Variants in FBXL17 observed in about 807,000 individuals in gnomAD.
The protein encoded by FBXL17 is F-box and leucine rich repeat protein 17.
A neutral mutation model predicts 66.2 loss-of-function variants in FBXL17; 22 were observed. The observed-to-expected ratio is 0.33, with a 90% confidence interval of 0.24 to 0.47. FBXL17 has a LOEUF of 0.47. FBXL17 is among the 20% of genes least tolerant of loss of function. The pLI, the probability that FBXL17 is intolerant of heterozygous loss-of-function variation, is 1.00. For synonymous variants in FBXL17, 474 were observed against 400.5 expected, an observed-to-expected ratio of 1.18 and a Z score of -2.19; for missense variants, 878 against 948.2, an observed-to-expected ratio of 0.93 and a Z score of 0.97.
At chr5:108,172,413 C>T (rs1256015090) in intron 6 of FBXL17, among the ~76,000 whole-genome samples, 4 of 152,156 alleles carry the variant, frequency 2.6e-5, no homozygotes, top group African/African-American at 9.7e-5. Context: ...GATGGGAGGA[C>T]AGGCAACGTC....
intron 7 of FBXL17, among the ~76,000 whole-genome samples, chr5:107,972,178 T>C (rs537415184): frequency 1.2e-4 from 18 of 152,284 alleles, no homozygotes; most frequent in Admixed American, 9.8e-4. Flanking sequence ...AGATACTTGC[T>C]GAATAAATGA....
chr5:107,881,898 G>A (rs1296866698), intron 7 of FBXL17, among the ~76,000 whole-genome samples: 1 of 152,120 alleles, frequency 6.6e-6, no homozygotes, highest in African/African-American at 2.4e-5. Flanking sequence ...GTTTAGCATT[G>A]TACCACCACT....
Position 108,381,937 on chromosome 5 carries a change from T to C in FBXL17, c.-246A>G, listed in dbSNP as rs1580943102. On this transcript the variant is annotated 5_prime_UTR_variant, in exon 1 of 9. Transcript: ENST00000542267. ...GCCGGGAGAACGATGGGCGCGAGCT[T>C]TGGGGACGCGAGGGAGGGAGCGAGC... 1 of 1,247,178 alleles carries C rather than the reference T, an allele frequency of 8.0e-7. No homozygotes were observed. Among genetic ancestry groups the C allele is most frequent in the Non-Finnish European group, 1.0e-6 (1 of 994,644 alleles). 77.3% of individuals were successfully genotyped at this position (1,247,178 alleles called of 1,614,324 possible).
chr5:107,878,507 C>T (rs746324332), intron 8 of FBXL17: 255 of 771,996 alleles, frequency 3.3e-4, no homozygotes, highest in Middle Eastern at 2.0e-3. Flanking sequence ...AGGTTAGTAA[C>T]TGCCCGCGGT....
intron 7 of FBXL17, among the ~76,000 whole-genome samples, chr5:107,966,883 T>C (rs1752163271): frequency 6.6e-6 from 1 of 152,154 alleles, no homozygotes; most frequent in African/African-American, 2.4e-5. Flanking sequence ...TTAATAATAA[T>C]TGAAATGTGT....
chr5:108,003,799 G>A (rs921993304), intron 7 of FBXL17, among the ~76,000 whole-genome samples: 1 of 152,048 alleles, frequency 6.6e-6, no homozygotes, highest in African/African-American at 2.4e-5. Context: ...TTATAGCATA[G>A]GGATGGATAA....
intron 6 of FBXL17, among the ~76,000 whole-genome samples, chr5:108,065,512 T>C (rs1180170094): frequency 2.0e-5 from 3 of 152,196 alleles, no homozygotes; most frequent in East Asian, 3.9e-4. Context: ...GTTGTGACTA[T>C]GGAATGATTT....
chr5:108,262,698 G>C (rs574630895), intron 4 of FBXL17, among the ~76,000 whole-genome samples: 40 of 151,370 alleles, frequency 2.6e-4, no homozygotes, highest in Non-Finnish European at 5.2e-4. Flanking sequence ...ACTTCACTTA[G>C]GAATTAGATG....
rs541241025 is a variant in FBXL17 at position 107,965,351 on chromosome 5, T to C, written c.1822+55574A>G. ...ATAAAAACAAAAGATGAAAATGGTCTTTTCATGGGATCAAATATAAAGAAC... is the reference window on the plus strand; with the variant it reads ...ATAAAAACAAAAGATGAAAATGGTCCTTTCATGGGATCAAATATAAAGAAC... On this transcript the variant is annotated intron_variant, in intron 7 of 8. Transcript: ENST00000542267. 8.5e-5 allele frequency among the ~76,000 whole-genome samples: 13 copies of C among 152,278 alleles called. 1 individual carries two copies. The South Asian group carries it at 2.3e-3, about 27-fold the overall frequency.
chr5:108,085,818 T>C (rs1010270816), intron 6 of FBXL17, among the ~76,000 whole-genome samples: 3 of 152,122 alleles, frequency 2.0e-5, no homozygotes, highest in Non-Finnish European at 4.4e-5. Context: ...GCGCCTGTAG[T>C]CCCAGCTACT....
At chr5:108,074,641 A>T (rs868380263) in intron 6 of FBXL17, among the ~76,000 whole-genome samples, 1 of 152,114 alleles carries the variant, frequency 6.6e-6, no homozygotes, top group Non-Finnish European at 1.5e-5. Flanking sequence ...AAAAGGCACC[A>T]CTCACCTCTC....
chr5:107,870,976 T>C (rs1748427025), intron 8 of FBXL17, among the ~76,000 whole-genome samples: 1 of 148,102 alleles, frequency 6.8e-6, no homozygotes, highest in African/African-American at 2.5e-5. Flanking sequence ...CAACGCTTCA[T>C]GCATGAACCT....
intron 6 of FBXL17, among the ~76,000 whole-genome samples, chr5:108,185,691 A>G (rs1157827039): frequency 6.6e-6 from 1 of 152,164 alleles, no homozygotes; most frequent in Non-Finnish European, 1.5e-5. Flanking sequence ...CATCTCTGAA[A>G]AAAAAATGTC....
intron 6 of FBXL17, among the ~76,000 whole-genome samples, chr5:108,185,180 A>G (rs1312524224): frequency 6.6e-6 from 1 of 152,128 alleles, no homozygotes; most frequent in Non-Finnish European, 1.5e-5. Flanking sequence ...CAAATTACAT[A>G]TATATATACT....
intron 7 of FBXL17, among the ~76,000 whole-genome samples, chr5:107,984,014 C>T (rs1438667675): frequency 1.3e-5 from 2 of 152,046 alleles, no homozygotes; most frequent in African/African-American, 2.4e-5. Context: ...GCTCCTCAAA[C>T]ATAAGTGATT....
At chr5:108,077,068 A>T (rs1043407696) in intron 6 of FBXL17, among the ~76,000 whole-genome samples, 5 of 152,094 alleles carry the variant, frequency 3.3e-5, no homozygotes, top group Non-Finnish European at 7.4e-5. Context: ...TTATTTTGGG[A>T]CCTCAAAAAA....
chr5:108,266,027 C>T (rs564849833), intron 4 of FBXL17, among the ~76,000 whole-genome samples: 2 of 152,080 alleles, frequency 1.3e-5, no homozygotes, highest in South Asian at 4.1e-4. Flanking sequence ...TCCAAATCTT[C>T]CATATTTCTG....
At chr5:107,941,568 T>G (rs972563970) in intron 7 of FBXL17, among the ~76,000 whole-genome samples, 1 of 152,196 alleles carries the variant, frequency 6.6e-6, no homozygotes, top group Non-Finnish European at 1.5e-5. Context: ...AAAGTTCTAA[T>G]GCAAACTTTA....
At chr5:108,302,844 C>G (rs552351625) in intron 4 of FBXL17, among the ~76,000 whole-genome samples, 5 of 151,564 alleles carry the variant, frequency 3.3e-5, no homozygotes, top group Admixed American at 1.3e-4. Flanking sequence ...AGTTCAAAAT[C>G]ATTTTTTGTT....
Sources: gnomAD v4.1 joint callset for allele counts (sites outside exome capture counted in the v4.1 genomes callset) on GRCh38, gnomAD v4.1.1 for gene constraint, MANE v1.5 for transcripts, NCBI Gene and HGNC (gene_info 2026-07-23, HGNC 2026-07-21) for gene names.